The following NUP98 variants were observed in gnomAD, a reference collection of about 807,000 sequenced individuals.
The protein encoded by NUP98 is nucleoporin 98 and 96 precursor.
In NUP98, 26 loss-of-function variants were observed where a neutral mutation model predicts 191.9. That is an observed-to-expected ratio of 0.14 (90% CI 0.10 to 0.19). The LOEUF (loss-of-function observed/expected upper bound fraction) is 0.19, where lower values mean the gene tolerates loss of function less well. Ranked by LOEUF, NUP98 falls within the 10% of genes least tolerant of loss-of-function variation. The probability of loss-of-function intolerance (pLI) is 1.00; values close to 1 mark genes in which losing one functional copy is unlikely to be tolerated. For synonymous variants in NUP98, 808 were observed against 778.4 expected (o/e 1.04, Z -0.63); for missense variants, 1,941 against 2,178.8 (o/e 0.89, Z 2.17).
At chr11:3,774,236 A>C (rs1272599586) in intron 5 of NUP98, among the ~76,000 whole-genome samples, 1 of 147,236 alleles carries the variant, frequency 6.8e-6, no homozygotes, top group Non-Finnish European at 1.5e-5. Context: ...CGTCTCTACT[A>C]AAAAATAAAA....
chr11:3,767,426 G>C (rs147434855), intron 8 of NUP98, among the ~76,000 whole-genome samples: 1 of 151,726 alleles, frequency 6.6e-6, no homozygotes, highest in East Asian at 1.9e-4. Flanking sequence ...CTCCCCCTGG[G>C]TTCAAGGCTA....
intron 12 of NUP98, among the ~76,000 whole-genome samples, chr11:3,739,853 C>T (rs2134341969): frequency 6.6e-6 from 1 of 151,784 alleles, no homozygotes; most frequent in East Asian, 1.9e-4. Context: ...TGTGTGGATC[C>T]ACTTATGTGT....
chr11:3,770,887 TG>T (rs752005540), intron 7 of NUP98, among the ~76,000 whole-genome samples: 14 of 152,204 alleles, frequency 9.2e-5, no homozygotes, highest in Admixed American at 5.9e-4. Flanking sequence ...TATTTAGAGA[TG>T]GAGTCTTGCT....
Position 3,771,940 on chromosome 11 carries a change from G to A in NUP98, c.604-12C>T. Reference sequence around the variant, plus strand: ...TCTAAACGAAGTTCCTGAAGGGAGGGAAAACATATTTCTAATCTTAACATG... The same window carrying A: ...TCTAAACGAAGTTCCTGAAGGGAGGAAAAACATATTTCTAATCTTAACATG... On this transcript the variant is annotated splice_polypyrimidine_tract_variant and intron_variant, in intron 6 of 32. Coordinates refer to ENST00000324932, the MANE Select transcript of NUP98 (RefSeq NM_016320.5). 1 of 1,608,414 alleles carries A rather than the reference G, an allele frequency of 6.2e-7. No homozygotes were observed. Among genetic ancestry groups the A allele is most frequent in the South Asian group, 1.1e-5 (1 of 90,648 alleles).
intron 20 of NUP98, among the ~76,000 whole-genome samples, chr11:3,707,740 A>C (rs1161231137): frequency 6.9e-6 from 1 of 145,740 alleles, no homozygotes; most frequent in African/African-American, 2.5e-5. Flanking sequence ...CTCTGTCTCA[A>C]AAAAAAAAAA....
intron 20 of NUP98, among the ~76,000 whole-genome samples, chr11:3,710,474 T>C (rs2078998289): frequency 6.6e-6 from 1 of 152,112 alleles, no homozygotes; most frequent in African/African-American, 2.4e-5. Context: ...TAAAAGGTAA[T>C]GGAACAAATG....
In NUP98 at chr11:3,695,619, T is replaced by C; in HGVS notation, c.4010-13A>G. ...AGACGATGATCCCCTATAAGAGAAA[T>C]GGAAGTTTTTTGGTTATTACTAAGG... On this transcript the variant is annotated splice_polypyrimidine_tract_variant and intron_variant, in intron 25 of 32. Transcript: ENST00000324932. 1 of 1,538,286 alleles carries C rather than the reference T, an allele frequency of 6.5e-7. No individual in the cohort carries two copies. Among genetic ancestry groups the C allele is most frequent in the Non-Finnish European group, 8.7e-7 (1 of 1,143,224 alleles).
At chr11:3,694,664 T>C (rs1237288745) in intron 26 of NUP98, among the ~76,000 whole-genome samples, 1 of 150,924 alleles carries the variant, frequency 6.6e-6, no homozygotes, top group African/African-American at 2.4e-5. Flanking sequence ...GAGGTGAACT[T>C]GGGAGGCGGA....
At chr11:3,683,534 A>G in intron 29 of NUP98, 93 bp from the exon 30 acceptor site, 2 of 1,297,896 alleles carry the variant, frequency 1.5e-6, no homozygotes, top group Admixed American at 2.8e-5. Flanking sequence ...GCAGTCTCTT[A>G]AACTGCAGGT....
chr11:3,751,872 T>C (rs2134433125), intron 11 of NUP98, among the ~76,000 whole-genome samples: 1 of 151,764 alleles, frequency 6.6e-6, no homozygotes, highest in East Asian at 2.0e-4. Flanking sequence ...ATAAAACACC[T>C]TTTATCTTAA....
intron 19 of NUP98, among the ~76,000 whole-genome samples, chr11:3,713,056 T>C (rs1024736924): frequency 2.0e-5 from 3 of 152,226 alleles, no homozygotes; most frequent in Non-Finnish European, 4.4e-5. Flanking sequence ...ATCCTCTATC[T>C]ACCCAAGGGC....
rs144040843 is a variant in NUP98 at position 3,771,261 on chromosome 11, G to C, written c.784+487C>G. On this transcript the variant is annotated intron_variant, in intron 7 of 32. Coordinates refer to ENST00000324932, the MANE Select transcript of NUP98 (RefSeq NM_016320.5). ...CTTACAATCTACTGTCAATATAGGA[G>C]ACTTCAGAATCATCCTTCACTCACA... Among the ~76,000 whole-genome samples, 393 of 152,254 alleles carry C rather than the reference G, an allele frequency of 2.6e-3. 3 individuals carry two copies. The highest frequency in any genetic ancestry group is 9.2e-3 in the African/African-American group (381 of 41,544).
intron 16 of NUP98, among the ~76,000 whole-genome samples, chr11:3,722,460 A>AAT (rs148681790): frequency 0.094 from 13,980 of 148,638 alleles, 1,294 homozygotes; most frequent in African/African-American, 0.23. Context: ...TAAGTAACCA[A>AAT]ATATATATAT....
At chr11:3,774,670 T>C (rs189938058) in intron 5 of NUP98, among the ~76,000 whole-genome samples, 289 of 152,080 alleles carry the variant, frequency 1.9e-3, no homozygotes, top group Non-Finnish European at 2.8e-3. Context: ...TGAGCCAAGA[T>C]TGCACCACTG....
At chr11:3,787,406 AC>A (rs34862441) in intron 1 of NUP98, among the ~76,000 whole-genome samples, 1 of 151,614 alleles carries the variant, frequency 6.6e-6, no homozygotes, top group African/African-American at 2.4e-5. Flanking sequence ...ATAGGGTGAA[AC>A]CCCCGTCTCT....
At chr11:3,796,095 G>C (rs947219123) in intron 1 of NUP98, among the ~76,000 whole-genome samples, 2 of 152,146 alleles carry the variant, frequency 1.3e-5, no homozygotes, top group African/African-American at 2.4e-5. Flanking sequence ...CAGTTAACTC[G>C]AGTTTCTTTT....
At chr11:3,708,378 G>T (rs1378627163) in intron 20 of NUP98, among the ~76,000 whole-genome samples, 1 of 152,082 alleles carries the variant, frequency 6.6e-6, no homozygotes, top group Non-Finnish European at 1.5e-5. Context: ...TGCTTACCTT[G>T]AACACTGTTT....
intron 12 of NUP98, among the ~76,000 whole-genome samples, chr11:3,740,793 T>G (rs1338131958): frequency 1.3e-5 from 2 of 151,094 alleles, no homozygotes; most frequent in African/African-American, 4.8e-5. Flanking sequence ...GAGTTGCCAG[T>G]GAGCTTTTAA....
intron 18 of NUP98, among the ~76,000 whole-genome samples, chr11:3,717,052 G>A (rs1038469563): frequency 1.3e-5 from 2 of 152,102 alleles, no homozygotes; most frequent in African/African-American, 4.8e-5. Context: ...CACACAGGCT[G>A]GAGTGCAGTG....
Sources: gnomAD v4.1 joint callset for allele counts (sites outside exome capture counted in the v4.1 genomes callset) on GRCh38, gnomAD v4.1.1 for gene constraint, MANE v1.5 for transcripts, NCBI Gene and HGNC (gene_info 2026-07-23, HGNC 2026-07-21) for gene names.